Variants in SLC8A1 observed in about 807,000 individuals in gnomAD.
The protein encoded by SLC8A1 is solute carrier family 8 member A1.
A neutral mutation model predicts 68.3 loss-of-function variants in SLC8A1; 18 were observed. That is an observed-to-expected ratio of 0.26 (90% CI 0.18 to 0.39). SLC8A1 has a LOEUF of 0.39. Ranked by LOEUF, SLC8A1 falls within the 10% of genes least tolerant of loss-of-function variation. The pLI, the probability that SLC8A1 is intolerant of heterozygous loss-of-function variation, is 1.00. For missense variants in SLC8A1, 985 were observed against 1,156.7 expected, an observed-to-expected ratio of 0.85 and a Z score of 2.15; for synonymous variants, 475 against 415.5, an observed-to-expected ratio of 1.14 and a Z score of -1.74.
chr2:40,293,083 C>G (rs2069637316), intron 2 of SLC8A1, among the ~76,000 whole-genome samples: 1 of 152,136 alleles, frequency 6.6e-6, no homozygotes, highest in Non-Finnish European at 1.5e-5. Flanking sequence ...AAAATCTTTA[C>G]ACATGCTGTT....
intron 2 of SLC8A1, among the ~76,000 whole-genome samples, chr2:40,333,909 A>T (rs1415711422): frequency 6.6e-6 from 1 of 152,064 alleles, no homozygotes; most frequent in Non-Finnish European, 1.5e-5. Context: ...TTAGCCGGAC[A>T]TGGTGGTGCA....
At chr2:40,254,054 G>A (rs2063459182) in intron 2 of SLC8A1, among the ~76,000 whole-genome samples, 1 of 152,046 alleles carries the variant, frequency 6.6e-6, no homozygotes, top group Non-Finnish European at 1.5e-5. Context: ...AATGGTAAAT[G>A]TTTGTTTGAG....
At chr2:40,368,672 T>C (rs1471319108) in intron 2 of SLC8A1, among the ~76,000 whole-genome samples, 20 of 152,046 alleles carry the variant, frequency 1.3e-4, no homozygotes, top group Admixed American at 1.3e-3. Context: ...GGGTTTGTTG[T>C]ACAGATTATT....
At chr2:40,323,725 A>G (rs1472635812) in intron 2 of SLC8A1, among the ~76,000 whole-genome samples, 1 of 152,036 alleles carries the variant, frequency 6.6e-6, no homozygotes, top group Non-Finnish European at 1.5e-5. Context: ...CTCCTACCCA[A>G]ACGGCTTCCG....
At chr2:40,140,246 A>G (rs2041291981) in intron 6 of SLC8A1, among the ~76,000 whole-genome samples, 2 of 152,208 alleles carry the variant, frequency 1.3e-5, no homozygotes, top group African/African-American at 4.8e-5. Context: ...CCAAATAATT[A>G]TATGCCAAAA....
At chr2:40,417,167 T>A (rs550647576) in intron 2 of SLC8A1, among the ~76,000 whole-genome samples, 2 of 152,170 alleles carry the variant, frequency 1.3e-5, no homozygotes, top group Non-Finnish European at 2.9e-5. Context: ...CTTATTTTTT[T>A]ATGTAACTTT....
At chr2:40,313,172 T>C (rs2073970427) in intron 2 of SLC8A1, among the ~76,000 whole-genome samples, 1 of 152,028 alleles carries the variant, frequency 6.6e-6, no homozygotes, top group Non-Finnish European at 1.5e-5. Context: ...TTTACACAAA[T>C]AGAATAATCC....
intron 2 of SLC8A1, among the ~76,000 whole-genome samples, chr2:40,235,477 G>A (rs2060239627): frequency 6.6e-6 from 1 of 152,038 alleles, no homozygotes; most frequent in Non-Finnish European, 1.5e-5. Context: ...GCGTCTATTT[G>A]AGTCTTCTCT....
intron 1 of SLC8A1, among the ~76,000 whole-genome samples, chr2:40,441,034 T>G (rs11695968): frequency 6.6e-6 from 1 of 152,118 alleles, no homozygotes; most frequent in Non-Finnish European, 1.5e-5. Context: ...AAAACCCCAG[T>G]GTCTCAGCCC....
rs187608614 is a variant in SLC8A1, at chr2:40,361,345, G to C, written c.1808+67128C>G. ...ACAAGTTTTCAATTGTGATATGTAA[G>C]AGGGCTTATTGCTATGATTTGGAAG... On this transcript the variant is annotated intron_variant, in intron 2 of 7. Transcript: ENST00000406785. Among the ~76,000 whole-genome samples the C allele has an allele frequency of 1.1e-4, 16 of 152,252 alleles. No homozygotes were observed. The East Asian group carries it at 2.7e-3, about 26-fold the overall frequency.
chr2:40,383,461 C>T (rs904972982), intron 2 of SLC8A1, among the ~76,000 whole-genome samples: 1 of 152,098 alleles, frequency 6.6e-6, no homozygotes, highest in East Asian at 1.9e-4. Flanking sequence ...TAGAGAGCAT[C>T]ACTCAAGTTT....
At chr2:40,379,960 A>G (rs1681191647) in intron 2 of SLC8A1, among the ~76,000 whole-genome samples, 1 of 152,146 alleles carries the variant, frequency 6.6e-6, no homozygotes, top group South Asian at 2.1e-4. Flanking sequence ...ATACTGTTAG[A>G]GATGTGAAAA....
intron 2 of SLC8A1, among the ~76,000 whole-genome samples, chr2:40,362,254 C>G (rs1375818928): frequency 6.6e-6 from 1 of 150,890 alleles, no homozygotes; most frequent in African/African-American, 2.4e-5. Flanking sequence ...GCCATTCTGT[C>G]TAATAGGTAC....
At chr2:40,505,567 C>T (rs191477197) in intron 1 of SLC8A1, among the ~76,000 whole-genome samples, 46 of 151,956 alleles carry the variant, frequency 3.0e-4, no homozygotes, top group Admixed American at 2.6e-4. Flanking sequence ...CTAGGTGCTA[C>T]GGAAACACAA....
At chr2:40,212,279 A>G (rs892675617) in intron 2 of SLC8A1, among the ~76,000 whole-genome samples, 1 of 41,328 alleles carries the variant, frequency 2.4e-5, no homozygotes, top group African/African-American at 7.4e-5. Context: ...AAGAGATGCA[A>G]TATCTTTTTT....
intron 2 of SLC8A1, among the ~76,000 whole-genome samples, chr2:40,202,101 AG>A (rs2054487035): frequency 6.6e-6 from 1 of 152,032 alleles, no homozygotes; most frequent in Non-Finnish European, 1.5e-5. Context: ...GTGTTTCCAA[AG>A]ATTAGATCAG....
intron 2 of SLC8A1, among the ~76,000 whole-genome samples, chr2:40,408,735 C>T (rs925000533): frequency 1.3e-5 from 2 of 152,064 alleles, no homozygotes; most frequent in African/African-American, 4.8e-5. Flanking sequence ...CGAAGGGGCA[C>T]CAGTTAGATA....
At chr2:40,495,466 T>C (rs939403401) in intron 1 of SLC8A1, among the ~76,000 whole-genome samples, 2 of 152,066 alleles carry the variant, frequency 1.3e-5, no homozygotes, top group South Asian at 2.1e-4. Context: ...TGCCTCCTTA[T>C]GTTTTCATCA....
rs557189406 is a variant in SLC8A1 at position 40,134,126 on chromosome 2, C to T, written c.2437+5275G>A. Among the ~76,000 whole-genome samples the T allele has an allele frequency of 4.3e-4, 64 of 149,748 alleles. 1 individual carries two copies. Among genetic ancestry groups the T allele is most frequent in the East Asian group, 5.9e-4 (3 of 5,068 alleles). On this transcript the variant is annotated intron_variant, in intron 7 of 7. Transcript: ENST00000406785. ...TTTTTTTTTGAGATGGAATCTTGCT[C>T]TGTTGCCCAGGCTGGAGTGCAGTGG...
Sources: allele counts gnomAD v4.1 joint callset (sites outside exome capture counted in the v4.1 genomes callset), GRCh38; gene constraint gnomAD v4.1.1; transcripts MANE v1.5; gene names NCBI Gene and HGNC (gene_info 2026-07-23, HGNC 2026-07-21).